The following WDR70 variants were observed in gnomAD, a reference collection of about 807,000 sequenced individuals.
WDR70 encodes WD repeat domain 70.
A neutral mutation model predicts 88.6 loss-of-function variants in WDR70; 53 were observed. The observed-to-expected ratio is 0.60, with a 90% CI of 0.48 to 0.75. WDR70 has a LOEUF of 0.75. Ranked by LOEUF, WDR70 falls within the 30% of genes least tolerant of loss-of-function variation. WDR70 has a pLI of 0.00. For synonymous variants in WDR70, 280 were observed against 270.0 expected (o/e 1.04, Z -0.36); for missense variants, 610 against 823.2 (o/e 0.74, Z 3.17).
chr5:37,510,137 G>C (rs1740680670), intron 8 of WDR70, among the ~76,000 whole-genome samples: 1 of 151,584 alleles, frequency 6.6e-6, no homozygotes, highest in Non-Finnish European at 1.5e-5. Context: ...TAAACTTAAA[G>C]AATAGCTGTA....
At chr5:37,699,391 GTATA>G (rs752043560) in intron 11 of WDR70, among the ~76,000 whole-genome samples, 98 of 20,834 alleles carry the variant, frequency 4.7e-3, no homozygotes, top group East Asian at 0.037. Flanking sequence ...ATGTATGTGT[GTATA>G]TATATATACA....
intron 8 of WDR70, among the ~76,000 whole-genome samples, chr5:37,481,023 C>T (rs1167722518): frequency 6.6e-6 from 1 of 152,204 alleles, no homozygotes; most frequent in Non-Finnish European, 1.5e-5. Flanking sequence ...AATCTTAAAG[C>T]TCCAAAATGA....
intron 17 of WDR70, among the ~76,000 whole-genome samples, chr5:37,739,153 A>G (rs574487936): frequency 2.9e-4 from 44 of 152,328 alleles, no homozygotes; most frequent in African/African-American, 9.4e-4. Flanking sequence ...TAGGTTTTTA[A>G]ATTAGTCGTC....
intron 5 of WDR70, among the ~76,000 whole-genome samples, chr5:37,433,295 A>T (rs1227297527): frequency 2.6e-5 from 4 of 151,894 alleles, no homozygotes; most frequent in Non-Finnish European, 5.9e-5. Context: ...TCCTGGCCTC[A>T]AGTGATCCGC....
intron 8 of WDR70, among the ~76,000 whole-genome samples, chr5:37,492,594 C>T (rs1740099068): frequency 6.6e-6 from 1 of 152,154 alleles, no homozygotes; most frequent in South Asian, 2.1e-4. Flanking sequence ...AAAAGGTATT[C>T]TAAGTGTAGG....
intron 9 of WDR70, among the ~76,000 whole-genome samples, chr5:37,546,924 A>G (rs1267457295): frequency 6.6e-6 from 1 of 152,236 alleles, no homozygotes; most frequent in Non-Finnish European, 1.5e-5. Flanking sequence ...CTCAAAAAAA[A>G]AAAAAATTAT....
intron 7 of WDR70, among the ~76,000 whole-genome samples, chr5:37,449,590 C>CAAAAAAAAAAAAAAA (rs376148041): frequency 2.3e-5 from 2 of 85,726 alleles, no homozygotes; most frequent in South Asian, 3.9e-4. Flanking sequence ...AATTTTGTCT[C>CAAAAAAAAAAAAAAA]AAAAAAAAAA....
intron 17 of WDR70, among the ~76,000 whole-genome samples, chr5:37,729,152 C>T (rs1748068840): frequency 6.6e-6 from 1 of 152,096 alleles, no homozygotes; most frequent in South Asian, 2.1e-4. Flanking sequence ...TACTTTCTGG[C>T]ACCACAAGAT....
At chr5:37,500,171 A>G (rs563772394) in intron 8 of WDR70, among the ~76,000 whole-genome samples, 5 of 152,318 alleles carry the variant, frequency 3.3e-5, no homozygotes, top group Admixed American at 6.5e-5. Context: ...TCCCACTTAC[A>G]GGTGAGGATA....
At chr5:37,632,297 A>G (rs907068661) in intron 10 of WDR70, among the ~76,000 whole-genome samples, 6 of 152,184 alleles carry the variant, frequency 3.9e-5, no homozygotes, top group Non-Finnish European at 8.8e-5. Flanking sequence ...TGGTTTATGT[A>G]TATACTATAC....
At chr5:37,480,196 G>T (rs1342152571) in intron 8 of WDR70, among the ~76,000 whole-genome samples, 2 of 152,134 alleles carry the variant, frequency 1.3e-5, no homozygotes, top group Non-Finnish European at 2.9e-5. Context: ...TACAAAAGGG[G>T]CCCAGATGGT....
At chr5:37,449,449 G>A (rs1486483926) in intron 7 of WDR70, among the ~76,000 whole-genome samples, 6 of 151,898 alleles carry the variant, frequency 4.0e-5, no homozygotes, top group East Asian at 3.9e-4. Context: ...AAAATTAGCC[G>A]GGCATGTTGG....
At chr5:37,503,932 T>C (rs187051793) in intron 8 of WDR70, among the ~76,000 whole-genome samples, 1 of 152,264 alleles carries the variant, frequency 6.6e-6, no homozygotes, top group East Asian at 1.9e-4. Flanking sequence ...TAATCTCAAA[T>C]GATCTTTTGT....
At chr5:37,568,189 G>A (rs1742799255) in intron 9 of WDR70, among the ~76,000 whole-genome samples, 1 of 152,146 alleles carries the variant, frequency 6.6e-6, no homozygotes, top group South Asian at 2.1e-4. Flanking sequence ...GTACAGGGGT[G>A]TAGTGAGTGA....
At chr5:37,647,596 C>T (rs762378071) in intron 10 of WDR70, among the ~76,000 whole-genome samples, 1 of 152,202 alleles carries the variant, frequency 6.6e-6, no homozygotes, top group Non-Finnish European at 1.5e-5. Context: ...TTAGGGGGCA[C>T]CCCAAACCCT....
chr5:37,518,580 C>T (rs1740966212), intron 9 of WDR70, among the ~76,000 whole-genome samples: 1 of 151,898 alleles, frequency 6.6e-6, no homozygotes, highest in African/African-American at 2.4e-5. Context: ...ATATATGTAC[C>T]ACATTTTCTT....
Position 37,424,171 on chromosome 5 carries a change from A to C in WDR70, c.493-13751A>C, listed in dbSNP as rs1287629003. On this transcript the variant is annotated intron_variant, in intron 5 of 17. Transcript: ENST00000265107. ...CTCAAAAAAAAAAAAAAAAAAAAAAAACAAAGACAAAAAAAAATTATCTAT... is the reference window on the plus strand; with the variant it reads ...CTCAAAAAAAAAAAAAAAAAAAAAACACAAAGACAAAAAAAAATTATCTAT... Among the ~76,000 whole-genome samples, 3 of 149,254 alleles carry C rather than the reference A, an allele frequency of 2.0e-5. No individual in the cohort carries two copies. The Admixed American group carries it at 2.0e-4, about 10-fold the overall frequency.
intron 10 of WDR70, among the ~76,000 whole-genome samples, chr5:37,609,156 A>G (rs1319340349): frequency 6.6e-6 from 1 of 152,104 alleles, no homozygotes; most frequent in Non-Finnish European, 1.5e-5. Flanking sequence ...GTTTTGGGGT[A>G]GGGGGAGAGG....
At chr5:37,515,500 A>T (rs1434097184) in intron 8 of WDR70, among the ~76,000 whole-genome samples, 4 of 152,340 alleles carry the variant, frequency 2.6e-5, no homozygotes, top group Non-Finnish European at 4.4e-5. Context: ...CATGCCTCCC[A>T]CATGGCTAAG....
Sources: gnomAD v4.1 joint callset for allele counts (sites outside exome capture counted in the v4.1 genomes callset) on GRCh38, gnomAD v4.1.1 for gene constraint, MANE v1.5 for transcripts, NCBI Gene and HGNC (gene_info 2026-07-23, HGNC 2026-07-21) for gene names.